Variants in SLC35E3 observed in about 807,000 individuals in gnomAD.
SLC35E3 encodes the protein bladder cancer-overexpressed gene 1 protein.
Under a neutral mutation model 30.8 loss-of-function variants are expected in SLC35E3, and 28 were observed. The ratio of observed to expected loss-of-function variants is 0.91; its 90% CI spans 0.67 to 1.25. SLC35E3 has a LOEUF of 1.25. SLC35E3 is among the 50% of genes most tolerant of loss of function. The pLI, the probability that SLC35E3 is intolerant of heterozygous loss-of-function variation, is 0.00. For synonymous variants in SLC35E3, 146 were observed against 149.2 expected (o/e 0.98, Z 0.16); for missense variants, 365 against 375.4 (o/e 0.97, Z 0.23).
intron 2 of SLC35E3, among the ~76,000 whole-genome samples, chr12:68,750,809 C>T (rs778186848): frequency 6.6e-6 from 1 of 152,144 alleles, no homozygotes; most frequent in African/African-American, 2.4e-5. Context: ...TTAAAGCTGG[C>T]AGGAGTATGG....
At position 68,764,882 on chromosome 12, in the gene SLC35E3, C is replaced by T. The variant is rs777319303; in HGVS notation, c.934C>T (p.Arg312Cys). ...AGGAAGTAGGAGTAAACTGGCACAACGTCCTTAATTGGGTTTTTGTGGAGA... is the reference window on the plus strand; with the variant it reads ...AGGAAGTAGGAGTAAACTGGCACAATGTCCTTAATTGGGTTTTTGTGGAGA... ...QEGSRSKLAQ[R>C]P Residue 312 changes from arginine to cysteine, a missense_variant, in exon 5 of 5, where the codon CGT becomes TGT. Coordinates refer to ENST00000398004, the MANE Select transcript of SLC35E3 (RefSeq NM_018656.5). The T allele has an allele frequency of 5.0e-6, 8 of 1,612,806 alleles. No individual in the cohort carries two copies. The highest frequency in any genetic ancestry group is 4.0e-5 in the African/African-American group (3 of 74,798).
chr12:68,759,009 G>C (rs796961440), intron 3 of SLC35E3, 148 bp from the exon 4 acceptor site: 1 of 613,470 alleles, frequency 1.6e-6, no homozygotes, highest in Non-Finnish European at 2.8e-6. Context: ...GATTACAGGC[G>C]TGAGCCACCG....
intron 4 of SLC35E3, among the ~76,000 whole-genome samples, chr12:68,761,961 TTTG>T (rs773590234): frequency 1.9e-4 from 29 of 151,858 alleles, no homozygotes; most frequent in Middle Eastern, 3.4e-3. Context: ...CGGGGAGTAT[TTTG>T]TTGTTGTTGT....
Position 68,780,327 on chromosome 12 carries a change from C to A in SLC35E3, c.*15437C>A, listed in dbSNP as rs1565723236. ...GGGACTACAGGCATGCACCACCACA[C>A]CTGGCTAATTTTTTTATATTTTGTT... On this transcript the variant is annotated 3_prime_UTR_variant, in exon 5 of 5. Coordinates refer to ENST00000398004, the MANE Select transcript of SLC35E3 (RefSeq NM_018656.5). 6.6e-6 allele frequency: 1 copy of A among 151,960 alleles called. No individual in the cohort carries two copies. The highest frequency in any genetic ancestry group is 1.5e-5 in the Non-Finnish European group (1 of 68,062). 9.4% of individuals were successfully genotyped at this position (151,960 alleles called of 1,614,324 possible).
In SLC35E3 at chr12:68,773,582, T is replaced by TC. The variant is rs1219559468; in HGVS notation, c.*8692_*8693insC. 1 of 151,614 alleles carries TC rather than the reference T, an allele frequency of 6.6e-6. No individual in the cohort carries two copies. Among genetic ancestry groups the TC allele is most frequent in the Non-Finnish European group, 1.5e-5 (1 of 67,920 alleles). 9.4% of individuals were successfully genotyped at this position (151,614 alleles called of 1,614,324 possible). A position where few individuals can be genotyped will look rare whatever the true frequency, so the allele number is the denominator to read the frequency against. On this transcript the variant is annotated 3_prime_UTR_variant, in exon 5 of 5. Coordinates refer to ENST00000398004, the MANE Select transcript of SLC35E3 (RefSeq NM_018656.5). ...CCAACAGGCCCAGATAATTTTATTT[T>TC]TTGTAGAGACGGGGTCTTGCTATGT... is the stretch of plus-strand genomic sequence containing the variant.
chr12:68,774,821 TA>T lies in SLC35E3; in HGVS notation c.*9948del, dbSNP rs71091558. 580 of 94,566 alleles carry T rather than the reference TA, an allele frequency of 6.1e-3. 3 individuals are homozygous for T. Among genetic ancestry groups the T allele is most frequent in the Admixed American group, 9.9e-3 (95 of 9,584 alleles). 5.9% of individuals were successfully genotyped at this position (94,566 alleles called of 1,614,324 possible). A position where few individuals can be genotyped will look rare whatever the true frequency, so the allele number is the denominator to read the frequency against. The stretch of plus-strand genomic sequence containing the variant: ...CAATGCCGTTAGATGCCCTATCTCT[TA>T]AAAAAAAAAAAAAAAAGATAAAATA... On this transcript the variant is annotated 3_prime_UTR_variant, in exon 5 of 5. Coordinates refer to ENST00000398004, the MANE Select transcript of SLC35E3 (RefSeq NM_018656.5).
Position 68,759,145 on chromosome 12 carries a change from G to C in SLC35E3, c.673-12G>C, listed in dbSNP as rs760253682. ...GTGCTTTGCATTAATGGTTCTTTTG[G>C]TTTATTTGTAGCTTATGGTGCTGCT... is the stretch of plus-strand genomic sequence containing the variant. On this transcript the variant is annotated splice_polypyrimidine_tract_variant and intron_variant, in intron 3 of 4. Transcript: ENST00000398004. 1 of 1,592,210 alleles carries C rather than the reference G, an allele frequency of 6.3e-7. No homozygotes were observed. Among genetic ancestry groups the C allele is most frequent in the East Asian group, 2.2e-5 (1 of 44,704 alleles).
At chr12:68,750,391 G>A (rs1259380305) in intron 2 of SLC35E3, among the ~76,000 whole-genome samples, 1 of 152,214 alleles carries the variant, frequency 6.6e-6, no homozygotes, top group Non-Finnish European at 1.5e-5. Context: ...GAAAGAGGAA[G>A]GCAGGCATCT....
rs1192359142 is a variant in SLC35E3, at chr12:68,775,650, T to C, written c.*10760T>C. ...ACAAATATTCAAACTACAGCACTGGTTAAAAATAAAAATAGGGCCTGGCGT... is the reference window on the plus strand; with the variant it reads ...ACAAATATTCAAACTACAGCACTGGCTAAAAATAAAAATAGGGCCTGGCGT... On this transcript the variant is annotated 3_prime_UTR_variant, in exon 5 of 5. Transcript: ENST00000398004. The C allele has an allele frequency of 6.6e-6, 1 of 152,046 alleles. No individual in the cohort carries two copies. Among genetic ancestry groups the C allele is most frequent in the Non-Finnish European group, 1.5e-5 (1 of 68,034 alleles). The allele number at this position is 152,046 out of a possible 1,614,324, so 9.4% of individuals were successfully genotyped here. A position where few individuals can be genotyped will look rare whatever the true frequency, so the allele number is the denominator to read the frequency against.
chr12:68,759,926 G>C, intron 4 of SLC35E3: 1 of 152,328 alleles, frequency 6.6e-6, no homozygotes. Flanking sequence ...CAAAGTAGAG[G>C]AATGGTTAAC....
At position 68,746,340 on chromosome 12, in the gene SLC35E3, C is replaced by T; in HGVS notation, c.-38C>T. 6.5e-7 allele frequency: 1 copy of T among 1,529,918 alleles called. No homozygotes were observed. Among genetic ancestry groups the T allele is most frequent in the Non-Finnish European group, 8.7e-7 (1 of 1,143,902 alleles). The allele number at this position is 1,529,918 out of a possible 1,614,324, so 94.8% of individuals were successfully genotyped here. A position where few individuals can be genotyped will look rare whatever the true frequency, so the allele number is the denominator to read the frequency against. ...GGGCAGCCGGAGACAGGCCCGGCGC[C>T]CCTTCCGAGGCTAGACGGCCCCAGC... On this transcript the variant is annotated 5_prime_UTR_variant, in exon 1 of 5. Transcript: ENST00000398004.
rs146830745 is a variant in SLC35E3 at position 68,777,331 on chromosome 12, T to C, written c.*12441T>C. ...GCACAGTGCTATTCTTCTGAAATCA[T>C]AACATCATGAGGACATCCACTGCTT... On this transcript the variant is annotated 3_prime_UTR_variant, in exon 5 of 5. Transcript: ENST00000398004. 1 of 152,132 alleles carries C rather than the reference T, an allele frequency of 6.6e-6. No individual in the cohort carries two copies. The highest frequency in any genetic ancestry group is 6.5e-5 in the Admixed American group (1 of 15,272). 9.4% of individuals were successfully genotyped at this position (152,132 alleles called of 1,614,324 possible). A position where few individuals can be genotyped will look rare whatever the true frequency, so the allele number is the denominator to read the frequency against.
Position 68,747,977 on chromosome 12 carries a change from G to A in SLC35E3, c.450G>A (p.Lys150=). Residue 150 remains lysine, a synonymous_variant, in exon 2 of 5, where the codon AAG becomes AAA. Coordinates refer to ENST00000398004, the MANE Select transcript of SLC35E3 (RefSeq NM_018656.5). Reference sequence around the variant, plus strand: ...TCCTAAATTCTTATTACGATGTGAAGTTTAATTTCCTTGGAATGGTGTTTG... The same window carrying A: ...TCCTAAATTCTTATTACGATGTGAAATTTAATTTCCTTGGAATGGTGTTTG... ...GVILNSYYDV[K]FNFLGMVFAA... 3.1e-6 allele frequency: 5 copies of A among 1,610,630 alleles called. No individual in the cohort carries two copies. Among genetic ancestry groups the A allele is most frequent in the Non-Finnish European group, 4.2e-6 (5 of 1,177,370 alleles).
chr12:68,759,352 G>T lies in SLC35E3; in HGVS notation c.755+113G>T, dbSNP rs547264092. On this transcript the variant is annotated intron_variant, in intron 4 of 4. Coordinates refer to ENST00000398004, the MANE Select transcript of SLC35E3 (RefSeq NM_018656.5). ...ACTATTGCATGGCCTAAATTGAGTA[G>T]AGAGAGTTATTTTTAGCCTTTTACT... 22 of 753,490 alleles carry T rather than the reference G, an allele frequency of 2.9e-5. 1 individual carries two copies. The South Asian group carries it at 3.0e-4, about 10-fold the overall frequency. 46.7% of individuals were successfully genotyped at this position (753,490 alleles called of 1,614,324 possible).
intron 4 of SLC35E3, among the ~76,000 whole-genome samples, chr12:68,763,202 G>A (rs1043007590): frequency 2.6e-5 from 4 of 152,152 alleles, no homozygotes; most frequent in African/African-American, 4.8e-5. Context: ...TACAATAACC[G>A]TGGGAGGTAA....
rs1399347010 is a variant in SLC35E3, at chr12:68,773,529, C to T, written c.*8639C>T. ...TCAAGTGATCCTCCCACCTCAGCCTCCTGAGTAGCTGGGACTACAGGTGTG... is the reference window on the plus strand; with the variant it reads ...TCAAGTGATCCTCCCACCTCAGCCTTCTGAGTAGCTGGGACTACAGGTGTG... On this transcript the variant is annotated 3_prime_UTR_variant, in exon 5 of 5. Coordinates refer to ENST00000398004, the MANE Select transcript of SLC35E3 (RefSeq NM_018656.5). 1 of 152,232 alleles carries T rather than the reference C, an allele frequency of 6.6e-6. No homozygotes were observed. The highest frequency in any genetic ancestry group is 1.5e-5 in the Non-Finnish European group (1 of 68,152). 9.4% of individuals were successfully genotyped at this position (152,232 alleles called of 1,614,324 possible).
rs1228015671 is a variant in SLC35E3 at position 68,768,615 on chromosome 12, A to G, written c.*3725A>G. The stretch of plus-strand genomic sequence containing the variant: ...ACCAGTGTAATTGTAATTATTGTTT[A>G]TTCTGTGTTAAGTGACTGAATTTCA... On this transcript the variant is annotated 3_prime_UTR_variant, in exon 5 of 5. Transcript: ENST00000398004. 1 of 152,208 alleles carries G rather than the reference A, an allele frequency of 6.6e-6. No individual in the cohort carries two copies. The highest frequency in any genetic ancestry group is 6.5e-5 in the Admixed American group (1 of 15,278). The allele number at this position is 152,208 out of a possible 1,614,324, so 9.4% of individuals were successfully genotyped here. A position where few individuals can be genotyped will look rare whatever the true frequency, so the allele number is the denominator to read the frequency against.
chr12:68,753,513 T>G, intron 3 of SLC35E3, among the ~76,000 whole-genome samples: 1 of 151,902 alleles, frequency 6.6e-6, no homozygotes, highest in Non-Finnish European at 1.5e-5. Context: ...TCTGGAACCC[T>G]ATCACACTAA....
chr12:68,748,019 A>C lies in SLC35E3; in HGVS notation c.492A>C (p.Leu164Phe), dbSNP rs267603642. 1.9e-6 allele frequency: 3 copies of C among 1,605,240 alleles called. No individual in the cohort carries two copies. In the African/African-American group the frequency reaches 4.0e-5, roughly 21 times the overall value. Residue 164 changes from leucine (L) to phenylalanine (F), a missense_variant, in exon 2 of 5, where the codon TTA becomes TTC. Coordinates refer to ENST00000398004, the MANE Select transcript of SLC35E3 (RefSeq NM_018656.5). ...LGMVFAALGVLVTSLYQVWVG... is the reference protein window; with the variant it reads ...LGMVFAALGVFVTSLYQVWVG... ...TGGTGTTTGCTGCTCTTGGTGTTTTAGTTACATCCCTTTATCAAGTGGTTG... is the reference window on the plus strand; with the variant it reads ...TGGTGTTTGCTGCTCTTGGTGTTTTCGTTACATCCCTTTATCAAGTGGTTG...
Sources: allele counts gnomAD v4.1 joint callset (sites outside exome capture counted in the v4.1 genomes callset), GRCh38; gene constraint gnomAD v4.1.1; transcripts MANE v1.5; gene names NCBI Gene and HGNC (gene_info 2026-07-23, HGNC 2026-07-21).